The following GNAQ variants were observed in gnomAD, a reference collection of about 807,000 sequenced individuals.
The protein encoded by GNAQ is G protein subunit alpha q.
In GNAQ, 8 loss-of-function variants were observed where a neutral mutation model predicts 43.9. The ratio of observed to expected loss-of-function variants is 0.18; its 90% CI spans 0.11 to 0.33. GNAQ has a LOEUF of 0.33. Among genes scored for constraint, GNAQ ranks in the 10% least tolerant of loss-of-function variants. The probability of loss-of-function intolerance (pLI) is 1.00; values close to 1 mark genes in which losing one functional copy is unlikely to be tolerated. For missense variants in GNAQ, 158 were observed against 450.8 expected (o/e 0.35, Z 5.88); for synonymous variants, 155 against 170.7 (o/e 0.91, Z 0.71).
intron 2 of GNAQ, among the ~76,000 whole-genome samples, chr9:77,875,383 G>A (rs954503617): frequency 6.6e-6 from 1 of 152,194 alleles, no homozygotes; most frequent in African/African-American, 2.4e-5. Context: ...GCAACAGTCA[G>A]CTGTGCTAAT....
chr9:77,943,660 CTTTTTT>C (rs34195207), intron 1 of GNAQ, among the ~76,000 whole-genome samples: 1 of 116,168 alleles, frequency 8.6e-6, no homozygotes, highest in African/African-American at 3.4e-5. Context: ...AAGTAACTAA[CTTTTTT>C]TTTTTTTTTT....
At chr9:77,728,454 T>C (rs1174328086) in intron 6 of GNAQ, 60 bp downstream of exon 6, 19 of 1,203,604 alleles carry the variant, frequency 1.6e-5, no homozygotes, top group Non-Finnish European at 2.2e-5. Context: ...ACTCCCACAC[T>C]GGGGTTTGGA....
intron 1 of GNAQ, among the ~76,000 whole-genome samples, chr9:77,929,676 C>CA (rs938747753): frequency 1.3e-5 from 2 of 150,720 alleles, no homozygotes; most frequent in African/African-American, 4.9e-5. Flanking sequence ...ACTAAAAATA[C>CA]AAAAAAAAAT....
At chr9:77,925,215 G>C (rs1457745141) in intron 1 of GNAQ, among the ~76,000 whole-genome samples, 2 of 152,106 alleles carry the variant, frequency 1.3e-5, no homozygotes, top group African/African-American at 2.4e-5. Flanking sequence ...TTTCCTTCTG[G>C]AGCTCTGACT....
At chr9:77,917,131 C>T (rs1363619166) in intron 2 of GNAQ, among the ~76,000 whole-genome samples, 1 of 152,074 alleles carries the variant, frequency 6.6e-6, no homozygotes, top group African/African-American at 2.4e-5. Context: ...ATAAGGCAAA[C>T]AAATATGAAA....
At chr9:77,874,896 C>T (rs533702126) in intron 2 of GNAQ, among the ~76,000 whole-genome samples, 1 of 152,118 alleles carries the variant, frequency 6.6e-6, no homozygotes, top group East Asian at 1.9e-4. Flanking sequence ...ACTGGGATTA[C>T]ACATGTGAGC....
chr9:78,016,313 T>C (rs1823837180), intron 1 of GNAQ, among the ~76,000 whole-genome samples: 1 of 152,160 alleles, frequency 6.6e-6, no homozygotes, highest in South Asian at 2.1e-4. Context: ...ATCTTATCAG[T>C]TCTGTTCTTT....
intron 2 of GNAQ, among the ~76,000 whole-genome samples, chr9:77,822,929 AGTT>A (rs1032588242): frequency 6.6e-6 from 1 of 151,708 alleles, no homozygotes; most frequent in Non-Finnish European, 1.5e-5. Context: ...AGCATTTAGA[AGTT>A]GTTTTTTTTT....
At chr9:77,762,141 C>T (rs1255089371) in intron 5 of GNAQ, among the ~76,000 whole-genome samples, 1 of 139,186 alleles carries the variant, frequency 7.2e-6, no homozygotes, top group Non-Finnish European at 1.6e-5. Context: ...AGCCCCCTGC[C>T]CGGCCAGCCG....
intron 5 of GNAQ, among the ~76,000 whole-genome samples, chr9:77,730,359 A>G (rs1381121199): frequency 6.6e-6 from 1 of 152,198 alleles, no homozygotes; most frequent in East Asian, 1.9e-4. Context: ...CACAGTGAAG[A>G]GTTACAAAGG....
At chr9:77,760,959 C>A (rs1439446421) in intron 5 of GNAQ, among the ~76,000 whole-genome samples, 1 of 150,228 alleles carries the variant, frequency 6.7e-6, no homozygotes, top group Non-Finnish European at 1.5e-5. Context: ...AGGGAGGAGA[C>A]CCTCCGCCTG....
chr9:77,725,519 T>G (rs1374301806), intron 6 of GNAQ, among the ~76,000 whole-genome samples: 1 of 151,746 alleles, frequency 6.6e-6, no homozygotes, highest in African/African-American at 2.4e-5. Flanking sequence ...AATGTCTTTT[T>G]TCTTTTTCTG....
intron 5 of GNAQ, among the ~76,000 whole-genome samples, chr9:77,793,587 ACTTC>A (rs1826610455): frequency 6.6e-6 from 1 of 152,092 alleles, no homozygotes; most frequent in South Asian, 2.1e-4. Context: ...GGGATCTCTC[ACTTC>A]CTTCTTTTTT....
intron 2 of GNAQ, among the ~76,000 whole-genome samples, chr9:77,817,514 C>T (rs1322933273): frequency 6.6e-6 from 1 of 152,164 alleles, no homozygotes; most frequent in Non-Finnish European, 1.5e-5. Context: ...TAACACTGGT[C>T]ATAACCTTTA....
intron 6 of GNAQ, 118 bp from the exon 7 acceptor site, chr9:77,721,631 T>G: frequency 1.5e-6 from 1 of 682,348 alleles, no homozygotes; most frequent in Non-Finnish European, 2.5e-6. Context: ...CACTGCAGAT[T>G]TGATCTGTTA....
intron 2 of GNAQ, among the ~76,000 whole-genome samples, chr9:77,818,430 T>C (rs928570330): frequency 1.3e-5 from 2 of 149,380 alleles, no homozygotes; most frequent in African/African-American, 2.5e-5. Context: ...GGAAATGCAA[T>C]ACTCTCAATT....
chr9:77,825,270 CA>C (rs1412677807), intron 2 of GNAQ, among the ~76,000 whole-genome samples: 1 of 152,150 alleles, frequency 6.6e-6, no homozygotes, highest in Non-Finnish European at 1.5e-5. Flanking sequence ...TCAAACAATA[CA>C]ACAGATTTAT....
chr9:77,840,437 A>G (rs907332555), intron 2 of GNAQ, among the ~76,000 whole-genome samples: 1 of 151,836 alleles, frequency 6.6e-6, no homozygotes, highest in Non-Finnish European at 1.5e-5. Context: ...CCCAGGTTCA[A>G]GCAATTCTCC....
chr9:77,738,290 A>G (rs1399883983), intron 5 of GNAQ, among the ~76,000 whole-genome samples: 1 of 150,850 alleles, frequency 6.6e-6, no homozygotes, highest in Non-Finnish European at 1.5e-5. Context: ...TTCTGATACT[A>G]CTTGAATGTT....
Sources: gnomAD v4.1 joint callset for allele counts (sites outside exome capture counted in the v4.1 genomes callset) on GRCh38, gnomAD v4.1.1 for gene constraint, MANE v1.5 for transcripts, NCBI Gene and HGNC (gene_info 2026-07-23, HGNC 2026-07-21) for gene names.